Variants in NRCAM observed in about 807,000 individuals in gnomAD.
The protein encoded by NRCAM is NgCAM-related cell adhesion molecule.
In NRCAM, 83 loss-of-function variants were observed where a neutral mutation model predicts 156.5. The ratio of observed to expected loss-of-function variants is 0.53; its 90% CI spans 0.44 to 0.64. The LOEUF (loss-of-function observed/expected upper bound fraction) is 0.64, where lower values mean the gene tolerates loss of function less well. Among genes scored for constraint, NRCAM ranks in the 30% least tolerant of loss-of-function variants. NRCAM has a pLI of 0.00. For missense variants in NRCAM, 1,417 were observed against 1,597.3 expected (o/e 0.89, Z 1.92); for synonymous variants, 538 against 563.9 (o/e 0.95, Z 0.65).
intron 2 of NRCAM, among the ~76,000 whole-genome samples, chr7:108,333,892 C>T (rs2099152052): frequency 6.6e-6 from 1 of 152,082 alleles, no homozygotes; most frequent in Non-Finnish European, 1.5e-5. Context: ...TTCACAAAAC[C>T]CCCATCTCTA....
rs919367146 is a variant in NRCAM at position 108,234,912 on chromosome 7, C to T, written c.125-224G>A. Reference sequence around the variant, plus strand: ...TTCTTTCGGTAACTATGTGTACTTGCAAAGTCCATTTTCTCACACTAAAAG... The same window carrying T: ...TTCTTTCGGTAACTATGTGTACTTGTAAAGTCCATTTTCTCACACTAAAAG... On this transcript the variant is annotated intron_variant, in intron 5 of 32. Transcript: ENST00000379028. 49 of 684,638 alleles carry T rather than the reference C, an allele frequency of 7.2e-5. 1 individual carries two copies. The African/African-American group carries it at 7.5e-4, about 10-fold the overall frequency. The allele number at this position is 684,638 out of a possible 1,614,324, so 42.4% of individuals were successfully genotyped here. A position where few individuals can be genotyped will look rare whatever the true frequency, so the allele number is the denominator to read the frequency against.
chr7:108,309,979 T>TA (rs142701553), intron 3 of NRCAM, among the ~76,000 whole-genome samples: 1,552 of 152,340 alleles, frequency 0.01, 27 homozygotes, highest in African/African-American at 0.034. Flanking sequence ...TTTTTACTCT[T>TA]ACCAGTTTTA....
chr7:108,453,773 C>T (rs75120225), intron 1 of NRCAM, among the ~76,000 whole-genome samples: 1 of 152,142 alleles, frequency 6.6e-6, no homozygotes, highest in African/African-American at 2.4e-5. Flanking sequence ...ATTCTAAAAG[C>T]TATTCCAGAA....
At chr7:108,196,778 T>C (rs2075368418) in intron 14 of NRCAM, among the ~76,000 whole-genome samples, 1 of 152,138 alleles carries the variant, frequency 6.6e-6, no homozygotes. Context: ...ATAAAGATTA[T>C]TTATACTGTT....
At chr7:108,170,511 T>C (rs771754758) in intron 28 of NRCAM, among the ~76,000 whole-genome samples, 5 of 152,326 alleles carry the variant, frequency 3.3e-5, no homozygotes, top group Admixed American at 6.5e-5. Context: ...TCAAAAAGAA[T>C]GCAACCGTTT....
At chr7:108,355,521 C>G (rs775280682) in intron 2 of NRCAM, among the ~76,000 whole-genome samples, 1 of 152,122 alleles carries the variant, frequency 6.6e-6, no homozygotes, top group African/African-American at 2.4e-5. Context: ...TACAATAGTA[C>G]CCCCAGCTTA....
At chr7:108,417,159 G>A (rs1165109608) in intron 1 of NRCAM, among the ~76,000 whole-genome samples, 4 of 152,204 alleles carry the variant, frequency 2.6e-5, no homozygotes, top group African/African-American at 7.2e-5. Context: ...GTGCTTCTAA[G>A]GATCCTTTAA....
intron 2 of NRCAM, among the ~76,000 whole-genome samples, chr7:108,348,230 A>C (rs2099383971): frequency 6.6e-6 from 1 of 152,106 alleles, no homozygotes; most frequent in Non-Finnish European, 1.5e-5. Flanking sequence ...ATGTGCATGC[A>C]TGTGTGTGTG....
At chr7:108,152,015 T>G (rs914727298) in intron 32 of NRCAM, among the ~76,000 whole-genome samples, 3 of 152,168 alleles carry the variant, frequency 2.0e-5, no homozygotes, top group African/African-American at 7.2e-5. Context: ...CTAAGATAGA[T>G]TGTTCTCGGC....
intron 2 of NRCAM, among the ~76,000 whole-genome samples, chr7:108,370,073 A>T (rs2099618705): frequency 6.6e-6 from 1 of 152,098 alleles, no homozygotes; most frequent in African/African-American, 2.4e-5. Context: ...CTGCTGACCT[A>T]TTTTCTAGGC....
chr7:108,245,785 C>A (rs1250770960), intron 3 of NRCAM, among the ~76,000 whole-genome samples: 1 of 152,134 alleles, frequency 6.6e-6, no homozygotes, highest in Non-Finnish European at 1.5e-5. Context: ...ATCAAAGATA[C>A]CAAGGTCTTT....
chr7:108,454,448 C>T (rs956973675), intron 1 of NRCAM, among the ~76,000 whole-genome samples: 1 of 152,166 alleles, frequency 6.6e-6, no homozygotes, highest in Non-Finnish European at 1.5e-5. Context: ...GCCTTCATTT[C>T]CTAATTTTTA....
At chr7:108,161,965 A>G (rs1349485012) in intron 30 of NRCAM, among the ~76,000 whole-genome samples, 3 of 152,210 alleles carry the variant, frequency 2.0e-5, no homozygotes, top group Admixed American at 2.0e-4. Context: ...CTTTCCATAC[A>G]CATACCATAG....
intron 30 of NRCAM, among the ~76,000 whole-genome samples, chr7:108,162,296 C>A (rs1048495347): frequency 6.6e-6 from 1 of 152,204 alleles, no homozygotes; most frequent in African/African-American, 2.4e-5. Flanking sequence ...ACTTCCTATT[C>A]TGAGACAGGC....
At chr7:108,285,577 C>A (rs897304210) in intron 3 of NRCAM, among the ~76,000 whole-genome samples, 4 of 152,206 alleles carry the variant, frequency 2.6e-5, no homozygotes, top group Non-Finnish European at 4.4e-5. Context: ...CAGGTCCAAA[C>A]TGTTAATGGG....
intron 2 of NRCAM, among the ~76,000 whole-genome samples, chr7:108,372,465 G>A (rs2099634714): frequency 6.6e-6 from 1 of 152,084 alleles, no homozygotes. Context: ...TGCCCGATAA[G>A]GAGTTAACAT....
chr7:108,436,088 G>A (rs1336437864), intron 1 of NRCAM, among the ~76,000 whole-genome samples: 1 of 152,156 alleles, frequency 6.6e-6, no homozygotes, highest in African/African-American at 2.4e-5. Context: ...GAGCCGAGAT[G>A]GCGCCACTGC....
chr7:108,206,377 G>A (rs568039569), intron 13 of NRCAM, among the ~76,000 whole-genome samples: 1 of 152,316 alleles, frequency 6.6e-6, no homozygotes, highest in East Asian at 1.9e-4. Flanking sequence ...TTCTGACTTG[G>A]AGGCAGTCAA....
At chr7:108,264,622 C>G (rs2097019176) in intron 3 of NRCAM, among the ~76,000 whole-genome samples, 1 of 152,186 alleles carries the variant, frequency 6.6e-6, no homozygotes, top group Non-Finnish European at 1.5e-5. Context: ...TATACAATAC[C>G]TATCTTTATT....
Sources: gnomAD v4.1 joint callset for allele counts (sites outside exome capture counted in the v4.1 genomes callset) on GRCh38, gnomAD v4.1.1 for gene constraint, MANE v1.5 for transcripts, NCBI Gene and HGNC (gene_info 2026-07-23, HGNC 2026-07-21) for gene names.